The following MVK variants were observed in gnomAD, a reference collection of about 807,000 sequenced individuals.
The protein encoded by MVK is mevalonate kinase, also known as LH receptor mRNA-binding protein.
A neutral mutation model predicts 43.2 loss-of-function variants in MVK; 34 were observed. The observed-to-expected ratio is 0.79, with a 90% CI of 0.60 to 1.05. The LOEUF (loss-of-function observed/expected upper bound fraction) is 1.05. Ranked by LOEUF, MVK falls within the 50% of genes least tolerant of loss-of-function variation. The pLI, the probability that MVK is intolerant of heterozygous loss-of-function variation, is 0.00. For missense variants in MVK, 395 were observed against 504.0 expected, an observed-to-expected ratio of 0.78 and a Z score of 2.07; for synonymous variants, 190 against 219.8, an observed-to-expected ratio of 0.86 and a Z score of 1.20.
intron 5 of MVK, among the ~76,000 whole-genome samples, chr12:109,584,360 C>G (rs1885350340): frequency 6.6e-6 from 1 of 152,154 alleles, no homozygotes; most frequent in South Asian, 2.1e-4. Flanking sequence ...GGGCTCACAG[C>G]AAGTAAGTGA....
intron 7 of MVK, 189 bp downstream of exon 7, chr12:109,586,988 C>G: frequency 1.6e-6 from 1 of 637,500 alleles, no homozygotes; most frequent in Non-Finnish European, 2.8e-6. Flanking sequence ...TCTCCTTCTC[C>G]CCTTCAGCTC....
chr12:109,577,067 T>A (rs1466143991), intron 3 of MVK, among the ~76,000 whole-genome samples: 1 of 152,168 alleles, frequency 6.6e-6, no homozygotes, highest in African/African-American at 2.4e-5. Flanking sequence ...GAAAGATTGA[T>A]AGAGACAGGG....
intron 1 of MVK, 30 bp from the exon 2 acceptor site, chr12:109,574,779 T>C (rs1884853134): frequency 1.3e-6 from 2 of 1,534,676 alleles, no homozygotes; most frequent in Non-Finnish European, 1.8e-6. Context: ...TCTAGAGATC[T>C]TTGCTCTTCT....
Position 109,576,241 on chromosome 12 carries a change from G to A in MVK, c.226+96G>A, listed in dbSNP as rs889245727. The A allele has an allele frequency of 2.3e-5, 35 of 1,515,098 alleles. No homozygotes were observed. The Admixed American group carries it at 3.2e-4, about 14-fold the overall frequency. The allele number at this position is 1,515,098 out of a possible 1,614,324, so 93.9% of individuals were successfully genotyped here. ...CTGTCCCCAAGGGAGCCAGGGGCCA[G>A]CTATTTCCCGGGTGTTTTCTACCCT... is the stretch of plus-strand genomic sequence containing the variant. On this transcript the variant is annotated intron_variant, in intron 3 of 10. Coordinates refer to ENST00000228510, the MANE Select transcript of MVK (RefSeq NM_000431.4).
chr12:109,575,143 A>G (rs907183382), intron 2 of MVK, among the ~76,000 whole-genome samples: 2 of 152,144 alleles, frequency 1.3e-5, no homozygotes, highest in Non-Finnish European at 2.9e-5. Flanking sequence ...ATCACCTAGG[A>G]GTGAGCTTTG....
chr12:109,578,764 A>G (rs1215607490), intron 3 of MVK, among the ~76,000 whole-genome samples: 2 of 152,202 alleles, frequency 1.3e-5, no homozygotes, highest in South Asian at 2.1e-4. Flanking sequence ...GAAGTTTCCT[A>G]ACACACGCAT....
chr12:109,573,648 G>T, upstream of MVK: 2 of 809,806 alleles, frequency 2.5e-6, no homozygotes, highest in Middle Eastern at 3.6e-4. Context: ...TTGGTTTAAC[G>T]GAAGGAGCGG....
At chr12:109,577,354 A>T (rs1350055382) in intron 3 of MVK, among the ~76,000 whole-genome samples, 4 of 152,180 alleles carry the variant, frequency 2.6e-5, no homozygotes, top group African/African-American at 9.6e-5. Context: ...GATGGGGTAA[A>T]TGAGAATCTT....
chr12:109,586,632 ATTAC>A (rs1321346229), intron 6 of MVK, 118 bp from the exon 7 acceptor site: 2 of 1,073,184 alleles, frequency 1.9e-6, no homozygotes, highest in Non-Finnish European at 2.9e-6. Context: ...GGGCTGACTC[ATTAC>A]TTAGCCTCTT....
Position 109,596,939 on chromosome 12 carries a change from C to G in MVK, c.*362C>G. 2 of 352,936 alleles carry G rather than the reference C, an allele frequency of 5.7e-6. No individual in the cohort carries two copies. The highest frequency in any genetic ancestry group is 2.6e-5 in the South Asian group (1 of 38,166). The allele number at this position is 352,936 out of a possible 1,614,324, so 21.9% of individuals were successfully genotyped here. ...GGGTCCAATGCTCAGGTGCTGGGGC[C>G]TGGTTCCCGGAGAAGTGTGCCTTCT... On this transcript the variant is annotated 3_prime_UTR_variant, in exon 11 of 11. Coordinates refer to ENST00000228510, the MANE Select transcript of MVK (RefSeq NM_000431.4).
rs573420050 is a variant in MVK, at chr12:109,586,385, G to A, written c.631+260G>A. On this transcript the variant is annotated intron_variant, in intron 6 of 10. Coordinates refer to ENST00000228510, the MANE Select transcript of MVK (RefSeq NM_000431.4). The stretch of plus-strand genomic sequence containing the variant: ...GCTCCCCAAGAGAGTTGTAGGTTCA[G>A]GATGCAGAGCCGTTGCCGTGGAGTT... Among the ~76,000 whole-genome samples, 5 of 152,332 alleles carry A rather than the reference G, an allele frequency of 3.3e-5. No homozygotes were observed. In the East Asian group the frequency reaches 9.7e-4, roughly 29 times the overall value.
intron 7 of MVK, chr12:109,590,491 C>T (rs979584196): frequency 3.4e-5 from 17 of 493,576 alleles, no homozygotes; most frequent in African/African-American, 2.0e-4. Flanking sequence ...TGGCCCCGGC[C>T]CCAAGGCCAC....
chr12:109,591,434 T>C, intron 9 of MVK, 77 bp downstream of exon 9: 1 of 1,396,920 alleles, frequency 7.2e-7, no homozygotes, highest in Non-Finnish European at 1.0e-6. Flanking sequence ...AATCTGGCTG[T>C]GCTCAGAATC....
chr12:109,578,430 G>A (rs1885061268), intron 3 of MVK, among the ~76,000 whole-genome samples: 1 of 135,422 alleles, frequency 7.4e-6, no homozygotes, highest in African/African-American at 2.9e-5. Flanking sequence ...ACTTACGTGT[G>A]CCAGGCACTA....
chr12:109,577,134 A>G (rs1183205246), intron 3 of MVK, among the ~76,000 whole-genome samples: 1 of 152,136 alleles, frequency 6.6e-6, no homozygotes, highest in African/African-American at 2.4e-5. Context: ...ATTCAGAAGT[A>G]CTGATTTTTT....
chr12:109,590,672 C>A, intron 7 of MVK, 99 bp from the exon 8 acceptor site: 1 of 1,058,694 alleles, frequency 9.4e-7, no homozygotes, highest in Non-Finnish European at 1.5e-6. Context: ...TCCCTTCTTC[C>A]TCCGTATCAG....
At chr12:109,592,790 G>C (rs927726499) in intron 9 of MVK, among the ~76,000 whole-genome samples, 5 of 152,318 alleles carry the variant, frequency 3.3e-5, no homozygotes, top group African/African-American at 1.2e-4. Context: ...CTATGTGCCA[G>C]GGCAGCGCCT....
intron 3 of MVK, among the ~76,000 whole-genome samples, chr12:109,578,143 A>G (rs1885044404): frequency 6.6e-6 from 1 of 152,154 alleles, no homozygotes. Flanking sequence ...AGAGTGCATT[A>G]TGTAGGGAAG....
upstream of MVK, chr12:109,573,658 G>A: frequency 2.6e-6 from 2 of 771,706 alleles, no homozygotes; most frequent in Non-Finnish European, 4.3e-6. Context: ...GGAAGGAGCG[G>A]GGCGGGAAAA....
Sources: gnomAD v4.1 joint callset for allele counts (sites outside exome capture counted in the v4.1 genomes callset) on GRCh38, gnomAD v4.1.1 for gene constraint, MANE v1.5 for transcripts, NCBI Gene and HGNC (gene_info 2026-07-23, HGNC 2026-07-21) for gene names.